Variants in WWOX observed in about 807,000 individuals in gnomAD.
The protein encoded by WWOX is WW domain-containing oxidoreductase.
In WWOX, 69 loss-of-function variants were observed where a neutral mutation model predicts 46.2. That is an observed-to-expected ratio of 1.49 (90% CI 1.23 to 1.82). The LOEUF (loss-of-function observed/expected upper bound fraction) is 1.82, where lower values mean the gene tolerates loss of function less well. Ranked by LOEUF, WWOX falls within the 40% of genes most tolerant of loss-of-function variation. The pLI is 0.00. For missense variants in WWOX, 919 were observed against 542.6 expected, an observed-to-expected ratio of 1.69 and a Z score of -6.89; for synonymous variants, 359 against 202.6, an observed-to-expected ratio of 1.77 and a Z score of -6.56.
intron 8 of WWOX, among the ~76,000 whole-genome samples, chr16:78,909,581 A>G (rs1216922745): frequency 6.6e-6 from 1 of 152,190 alleles, no homozygotes. Flanking sequence ...GAAACCCATC[A>G]TTTGACACAG....
chr16:78,455,731 T>C (rs1415047547), intron 8 of WWOX, among the ~76,000 whole-genome samples: 2 of 149,618 alleles, frequency 1.3e-5, no homozygotes, highest in Non-Finnish European at 3.0e-5. Context: ...AAATTCAATA[T>C]TATAGCAAAG....
At chr16:78,217,143 G>A (rs966465363) in intron 5 of WWOX, among the ~76,000 whole-genome samples, 7 of 152,214 alleles carry the variant, frequency 4.6e-5, no homozygotes, top group African/African-American at 1.7e-4. Flanking sequence ...GGACATCTTT[G>A]GTTGGGAAAT....
intron 5 of WWOX, among the ~76,000 whole-genome samples, chr16:78,316,999 G>A (rs1030342969): frequency 6.6e-6 from 1 of 152,186 alleles, no homozygotes; most frequent in Non-Finnish European, 1.5e-5. Flanking sequence ...CAAAGATGAA[G>A]GAAAGTTGCT....
chr16:78,793,066 T>G (rs1424518429), intron 8 of WWOX, among the ~76,000 whole-genome samples: 2 of 152,168 alleles, frequency 1.3e-5, no homozygotes, highest in Non-Finnish European at 2.9e-5. Flanking sequence ...TCTATATATC[T>G]GTATCTATAT....
At chr16:78,844,106 C>T (rs952073699) in intron 8 of WWOX, among the ~76,000 whole-genome samples, 2 of 152,050 alleles carry the variant, frequency 1.3e-5, no homozygotes, top group Non-Finnish European at 2.9e-5. Context: ...CGCTGGGTGC[C>T]TTGTAGACCG....
chr16:79,065,933 A>C (rs2048432939), intron 8 of WWOX, among the ~76,000 whole-genome samples: 2 of 152,156 alleles, frequency 1.3e-5, no homozygotes, highest in Non-Finnish European at 2.9e-5. Flanking sequence ...ATTGTTCTTG[A>C]ATACCTTAGA....
intron 8 of WWOX, among the ~76,000 whole-genome samples, chr16:78,930,351 C>A (rs559926925): frequency 2.0e-5 from 3 of 150,454 alleles, no homozygotes; most frequent in Non-Finnish European, 3.0e-5. Context: ...ATTCATGGCT[C>A]ACTGCAGCCT....
At chr16:78,453,420 C>G (rs2083739114) in intron 8 of WWOX, among the ~76,000 whole-genome samples, 2 of 141,058 alleles carry the variant, frequency 1.4e-5, no homozygotes, top group Admixed American at 1.4e-4. Flanking sequence ...GAGACTATGT[C>G]TCAAAAAAAA....
intron 5 of WWOX, among the ~76,000 whole-genome samples, chr16:78,363,146 T>C (rs541857289): frequency 6.6e-6 from 1 of 150,766 alleles, no homozygotes; most frequent in Non-Finnish European, 1.5e-5. Flanking sequence ...GTGTATGTGT[T>C]TGTGTGTGTG....
chr16:78,908,053 G>C (rs1299516616), intron 8 of WWOX, among the ~76,000 whole-genome samples: 1 of 152,124 alleles, frequency 6.6e-6, no homozygotes, highest in East Asian at 1.9e-4. Context: ...CTAACCGTAT[G>C]AAAGTTTATA....
chr16:78,945,625 T>C (rs1004002809), intron 8 of WWOX, among the ~76,000 whole-genome samples: 11 of 150,330 alleles, frequency 7.3e-5, no homozygotes, highest in African/African-American at 2.7e-4. Context: ...TTGATCTGAC[T>C]ACTGGTTTTA....
chr16:78,313,260 A>G (rs1294361438), intron 5 of WWOX, among the ~76,000 whole-genome samples: 1 of 152,194 alleles, frequency 6.6e-6, no homozygotes, highest in Non-Finnish European at 1.5e-5. Context: ...CTTATCTATA[A>G]AATATGGCTT....
In WWOX at chr16:78,261,772, GTATC is replaced by G. The variant is rs1203526439; in HGVS notation, c.516+97499_516+97502del. ...TGTGTCTGTCTATCTATCTATCTATGTATCTATCTATCTATCTATATATATATAT... is the reference window on the plus strand; with the variant it reads ...TGTGTCTGTCTATCTATCTATCTATGTATCTATCTATCTATATATATATAT... On this transcript the variant is annotated intron_variant, in intron 5 of 8. Transcript: ENST00000566780. Among the ~76,000 whole-genome samples the G allele has an allele frequency of 1.1e-3, 149 of 129,996 alleles. 3 individuals are homozygous for G. The highest frequency in any genetic ancestry group is 3.4e-3 in the African/African-American group (117 of 34,290). The allele number at this position is 129,996 out of a possible 152,430, so 85.3% of individuals were successfully genotyped here.
intron 8 of WWOX, among the ~76,000 whole-genome samples, chr16:78,669,398 C>A (rs1356434293): frequency 6.6e-6 from 1 of 152,180 alleles, no homozygotes. Context: ...CAGCATTGCT[C>A]CCCAGGGGAT....
At chr16:78,376,908 T>C (rs1459723282) in intron 5 of WWOX, among the ~76,000 whole-genome samples, 2 of 152,226 alleles carry the variant, frequency 1.3e-5, no homozygotes, top group Non-Finnish European at 2.9e-5. Flanking sequence ...GTGTGGAATG[T>C]AAAATCCTTT....
At chr16:79,052,813 T>C (rs1233236771) in intron 8 of WWOX, among the ~76,000 whole-genome samples, 1 of 152,224 alleles carries the variant, frequency 6.6e-6, no homozygotes, top group Non-Finnish European at 1.5e-5. Flanking sequence ...GTGCTATTTC[T>C]TTATGGCACT....
At chr16:78,475,159 C>T (rs2084323535) in intron 8 of WWOX, among the ~76,000 whole-genome samples, 1 of 152,178 alleles carries the variant, frequency 6.6e-6, no homozygotes, top group Admixed American at 6.5e-5. Flanking sequence ...AAAACAAAGG[C>T]TGGCTCATTA....
intron 8 of WWOX, among the ~76,000 whole-genome samples, chr16:78,611,610 A>G (rs1310469882): frequency 1.3e-5 from 2 of 152,202 alleles, no homozygotes; most frequent in Non-Finnish European, 2.9e-5. Flanking sequence ...TATTTTGGCA[A>G]CATATTTGGG....
chr16:78,230,773 C>T (rs2037235708), intron 5 of WWOX, among the ~76,000 whole-genome samples: 1 of 152,184 alleles, frequency 6.6e-6, no homozygotes, highest in African/African-American at 2.4e-5. Context: ...GATAAAGCAG[C>T]TAGGAGTATA....
Sources: allele counts gnomAD v4.1 joint callset (sites outside exome capture counted in the v4.1 genomes callset), GRCh38; gene constraint gnomAD v4.1.1; transcripts MANE v1.5; gene names NCBI Gene and HGNC (gene_info 2026-07-23, HGNC 2026-07-21).